Variants in TMOD2 observed in about 807,000 individuals in gnomAD.
TMOD2 encodes tropomodulin 2.
TMOD2 carries 22 observed loss-of-function variants against 39.9 expected under a neutral mutation model. The ratio of observed to expected loss-of-function variants is 0.55; its 90% CI spans 0.39 to 0.79. The LOEUF is 0.79. Among genes scored for constraint, TMOD2 ranks in the 30% least tolerant of loss-of-function variants. The pLI, the probability that TMOD2 is intolerant of heterozygous loss-of-function variation, is 0.00. For synonymous variants in TMOD2, 123 were observed against 146.1 expected (o/e 0.84, Z 1.14); for missense variants, 386 against 413.3 (o/e 0.93, Z 0.57).
chr15:51,802,410 A>G (rs906574474), intron 8 of TMOD2, among the ~76,000 whole-genome samples: 4 of 152,254 alleles, frequency 2.6e-5, no homozygotes, highest in Non-Finnish European at 5.9e-5. Flanking sequence ...ATATAAATAG[A>G]ACATTCAAAT....
intron 7 of TMOD2, among the ~76,000 whole-genome samples, chr15:51,795,570 CTTGCTTGCTTTCTTTCTTTCT>C (rs2056043961): frequency 4.8e-5 from 1 of 20,814 alleles, no homozygotes; most frequent in Admixed American, 5.2e-4. Flanking sequence ...CTTCTGCTTG[CTTGCTTGCTTTCTTTCTTTCT>C]TTCTTTCTTT....
chr15:51,808,498 G>T lies in TMOD2; in HGVS notation c.*44G>T. 1 of 1,561,684 alleles carries T rather than the reference G, an allele frequency of 6.4e-7. No homozygotes were observed. Among genetic ancestry groups the T allele is most frequent in the South Asian group, 1.2e-5 (1 of 84,430 alleles). ...GAAGTTTCACTGTGGTATGGCCATT[G>T]AAAAACAAAAACTCTTCTTCTTCCC... On this transcript the variant is annotated 3_prime_UTR_variant, in exon 10 of 10. Transcript: ENST00000249700.
intron 1 of TMOD2, among the ~76,000 whole-genome samples, chr15:51,764,697 C>A (rs1296096030): frequency 1.3e-5 from 2 of 152,150 alleles, no homozygotes. Flanking sequence ...CATGAATCCC[C>A]CTCTGTAGCC....
rs1555462156 is a variant in TMOD2 at position 51,783,775 on chromosome 15, A to ATAGATAGATAGG, written c.732+958_732+959insGTAGATAGATAG. 8.3e-4 allele frequency: 126 copies of ATAGATAGATAGG among 151,148 alleles called. 9 individuals are homozygous for ATAGATAGATAGG. Among genetic ancestry groups the ATAGATAGATAGG allele is most frequent in the East Asian group, 7.8e-3 (40 of 5,116 alleles). 9.4% of individuals were successfully genotyped at this position (151,148 alleles called of 1,614,324 possible). On this transcript the variant is annotated intron_variant, in intron 7 of 9. Coordinates refer to ENST00000249700, the MANE Select transcript of TMOD2 (RefSeq NM_014548.4). ...GATAGATAGATAGATAGATAGATAG[A>ATAGATAGATAGG]TAGATAGATAGATAGATAAAAGAAA...
chr15:51,779,444 G>A (rs908156999), intron 5 of TMOD2, among the ~76,000 whole-genome samples: 8 of 147,912 alleles, frequency 5.4e-5, no homozygotes, highest in Non-Finnish European at 1.2e-4. Flanking sequence ...GCAGTGGCAC[G>A]ATCTCAGCTC....
At chr15:51,763,281 C>T (rs1289252304) in intron 1 of TMOD2, among the ~76,000 whole-genome samples, 2 of 152,152 alleles carry the variant, frequency 1.3e-5, no homozygotes, top group African/African-American at 4.8e-5. Flanking sequence ...ACATTGTTTT[C>T]AATTTTTGGC....
intron 7 of TMOD2, among the ~76,000 whole-genome samples, chr15:51,797,881 C>CA (rs199742341): frequency 0.069 from 7,308 of 106,440 alleles, 210 homozygotes; most frequent in African/African-American, 0.086. Flanking sequence ...TGTGTTTTCT[C>CA]AAAAAAAAAA....
chr15:51,793,632 A>G (rs1163761772), intron 7 of TMOD2, among the ~76,000 whole-genome samples: 1 of 152,250 alleles, frequency 6.6e-6, no homozygotes, highest in Non-Finnish European at 1.5e-5. Flanking sequence ...CACATGTAAT[A>G]TGCTCAAATA....
rs1198134974 is a variant in TMOD2 at position 51,811,399 on chromosome 15, T to TC, written c.*2950dup. 6.6e-6 allele frequency: 1 copy of TC among 152,172 alleles called. No individual in the cohort carries two copies. Among genetic ancestry groups the TC allele is most frequent in the Non-Finnish European group, 1.5e-5 (1 of 68,012 alleles). The allele number at this position is 152,172 out of a possible 1,614,324, so 9.4% of individuals were successfully genotyped here. On this transcript the variant is annotated 3_prime_UTR_variant, in exon 10 of 10. Transcript: ENST00000249700. ...TAACTTCTCCCCAGGCCTATCTCCC[T>TC]CCCCCTTTTAGAGTTGTGCAGGTCC...
intron 8 of TMOD2, among the ~76,000 whole-genome samples, chr15:51,802,948 C>T (rs1321126152): frequency 6.6e-6 from 1 of 152,106 alleles, no homozygotes; most frequent in Non-Finnish European, 1.5e-5. Context: ...AGAGTTCCTC[C>T]ATAAACTTTT....
At chr15:51,753,713 A>T (rs1471568210) in intron 1 of TMOD2, among the ~76,000 whole-genome samples, 2 of 151,402 alleles carry the variant, frequency 1.3e-5, no homozygotes, top group African/African-American at 4.9e-5. Flanking sequence ...AGATGTGGAT[A>T]TTGGAGGTGA....
At chr15:51,752,047 G>A (rs1435901392) in intron 1 of TMOD2, among the ~76,000 whole-genome samples, 1 of 151,964 alleles carries the variant, frequency 6.6e-6, no homozygotes, top group Non-Finnish European at 1.5e-5. Context: ...CTGCGGGGCT[G>A]TGTTCTTCCA....
intron 1 of TMOD2, among the ~76,000 whole-genome samples, chr15:51,757,030 T>C (rs958092094): frequency 1.6e-4 from 25 of 152,220 alleles, no homozygotes; most frequent in Non-Finnish European, 4.4e-5. Flanking sequence ...TTACTAGTTT[T>C]AGAAAATGTG....
intron 8 of TMOD2, among the ~76,000 whole-genome samples, chr15:51,804,287 GT>G (rs1595879839): frequency 6.6e-6 from 1 of 152,084 alleles, no homozygotes; most frequent in East Asian, 1.9e-4. Context: ...TGAGGTAAAT[GT>G]ATATTTACCA....
chr15:51,765,022 T>A (rs2055807314), intron 1 of TMOD2, among the ~76,000 whole-genome samples: 1 of 151,942 alleles, frequency 6.6e-6, no homozygotes, highest in Non-Finnish European at 1.5e-5. Context: ...ATTTTTTTTT[T>A]GAGAGAGTCT....
At chr15:51,766,981 G>GT (rs1426684971) in intron 2 of TMOD2, 1 of 153,190 alleles carries the variant, frequency 6.5e-6, no homozygotes, top group African/African-American at 2.4e-5. Context: ...TTCCACACTG[G>GT]TAAGTGTCAG....
chr15:51,785,305 G>A (rs1439976408), intron 7 of TMOD2, among the ~76,000 whole-genome samples: 14 of 151,700 alleles, frequency 9.2e-5, no homozygotes, highest in East Asian at 3.9e-4. Flanking sequence ...CCAGCTACTC[G>A]GGAGACTGAG....
intron 4 of TMOD2, among the ~76,000 whole-genome samples, chr15:51,774,208 C>G (rs1272444844): frequency 6.6e-6 from 1 of 152,214 alleles, no homozygotes; most frequent in Non-Finnish European, 1.5e-5. Flanking sequence ...TTCCCACAGT[C>G]ATTGTTCCAT....
Position 51,781,165 on chromosome 15 carries a change from C to T in TMOD2, c.615C>T (p.Asn205=). ...CTAGCTTGCAAGAAGTCAACCTCAA[C>T]AACATTAAGGTATTTCATTGTGATT... ...NDPSLQEVNL[N]NIKNIPIPTL... Residue 205 remains asparagine, a synonymous_variant, in exon 6 of 10, where the codon AAC becomes AAT. Coordinates refer to ENST00000249700, the MANE Select transcript of TMOD2 (RefSeq NM_014548.4). 1 of 1,606,928 alleles carries T rather than the reference C, an allele frequency of 6.2e-7. No homozygotes were observed. Among genetic ancestry groups the T allele is most frequent in the Non-Finnish European group, 8.5e-7 (1 of 1,178,236 alleles).
Sources: allele counts gnomAD v4.1 joint callset (sites outside exome capture counted in the v4.1 genomes callset), GRCh38; gene constraint gnomAD v4.1.1; transcripts MANE v1.5; gene names NCBI Gene and HGNC (gene_info 2026-07-23, HGNC 2026-07-21).